GGTA1: variants seen among roughly 807,000 people sequenced by gnomAD.
GGTA1 encodes the protein glycoprotein alpha-galactosyltransferase 1 (inactive).
A neutral mutation model predicts 2.6 loss-of-function variants in GGTA1; 5 were observed. The observed-to-expected ratio is 1.92, with a 90% CI of 1.00 to 4.04. GGTA1 has a LOEUF of 4.04. GGTA1 is among the 30% of genes most tolerant of loss of function. The probability of loss-of-function intolerance (pLI) is 0.00; values close to 1 mark genes in which losing one functional copy is unlikely to be tolerated. For missense variants in GGTA1, 50 were observed against 16.7 expected (o/e 2.99, Z -3.47); for synonymous variants, 17 against 5.0 (o/e 3.38, Z -3.19).
chr9:121,488,210 C>T (rs1282781428), intron 1 of GGTA1, among the ~76,000 whole-genome samples: 1 of 152,094 alleles, frequency 6.6e-6, no homozygotes, highest in East Asian at 1.9e-4. Flanking sequence ...GCTATTCAGA[C>T]ATGATCATAG....
chr9:121,470,902 A>G (rs1828374171), intron 1 of GGTA1, among the ~76,000 whole-genome samples: 1 of 152,260 alleles, frequency 6.6e-6, no homozygotes, highest in African/African-American at 2.4e-5. Flanking sequence ...AGTCTCCCGC[A>G]TAGCGGGCTC....
downstream of GGTA1, among the ~76,000 whole-genome samples, chr9:121,454,155 C>T (rs1312388682): frequency 6.6e-6 from 1 of 152,210 alleles, no homozygotes; most frequent in Non-Finnish European, 1.5e-5. Flanking sequence ...TAAGACTTAG[C>T]TCTGCCCTCA....
intron 1 of GGTA1, among the ~76,000 whole-genome samples, chr9:121,471,795 G>C (rs1477605111): frequency 6.6e-6 from 1 of 152,200 alleles, no homozygotes; most frequent in Non-Finnish European, 1.5e-5. Context: ...AGTCAGAAAA[G>C]GCAGATGGCT....
At position 121,455,719 on chromosome 9, in the gene GGTA1, G is replaced by T. The variant is rs1300266976; in HGVS notation, c.*118C>A. The T allele has an allele frequency of 2.7e-6, 1 of 367,154 alleles. No individual in the cohort carries two copies. The highest frequency in any genetic ancestry group is 3.2e-5 in the Admixed American group (1 of 31,558). 22.7% of individuals were successfully genotyped at this position (367,154 alleles called of 1,614,324 possible). On this transcript the variant is annotated 3_prime_UTR_variant, in exon 6 of 6. Coordinates refer to ENST00000481799, the MANE Select transcript of GGTA1 (RefSeq NM_001382585.1). ...CCCAGTCCTTCCCCTTGAGAATCTC[G>T]CAGTCCCAACAGGTGGTCCGCCTGT...
intron 1 of GGTA1, among the ~76,000 whole-genome samples, chr9:121,484,050 G>C (rs117181431): frequency 2.6e-5 from 4 of 152,262 alleles, no homozygotes; most frequent in Non-Finnish European, 5.9e-5. Flanking sequence ...GCAGAACGTG[G>C]TGGTTATGAG....
chr9:121,454,337 A>G (rs1211025371), downstream of GGTA1, among the ~76,000 whole-genome samples: 1 of 152,210 alleles, frequency 6.6e-6, no homozygotes, highest in Non-Finnish European at 1.5e-5. Flanking sequence ...GGTCCAGGTA[A>G]GAAAACCAAG....
At chr9:121,480,278 G>A (rs1368217240) in intron 1 of GGTA1, among the ~76,000 whole-genome samples, 1 of 151,934 alleles carries the variant, frequency 6.6e-6, no homozygotes, top group Non-Finnish European at 1.5e-5. Context: ...GGATGGTCTC[G>A]ATCTCTTGAC....
At chr9:121,464,338 T>TTTC (rs1470046982) in intron 2 of GGTA1, among the ~76,000 whole-genome samples, 1 of 149,042 alleles carries the variant, frequency 6.7e-6, no homozygotes, top group East Asian at 2.0e-4. Flanking sequence ...TTTTTTTTTT[T>TTTC]TTTTTTGAGA....
intron 4 of GGTA1, among the ~76,000 whole-genome samples, chr9:121,460,823 CAATA>C (rs2064954705): frequency 6.6e-6 from 1 of 151,462 alleles, no homozygotes; most frequent in African/African-American, 2.4e-5. Flanking sequence ...CCAGCCTGGG[CAATA>C]AGAGCAAAAC....
At chr9:121,485,499 G>A (rs1306360363) in intron 1 of GGTA1, among the ~76,000 whole-genome samples, 1 of 152,198 alleles carries the variant, frequency 6.6e-6, no homozygotes, top group Admixed American at 6.5e-5. Context: ...TTTGAAATAC[G>A]TGTCTTCCTG....
chr9:121,448,848 A>G (rs1241244285), intron 7 of GGTA1, among the ~76,000 whole-genome samples: 1 of 152,210 alleles, frequency 6.6e-6, no homozygotes, highest in African/African-American at 2.4e-5. Flanking sequence ...AGTTTACATT[A>G]GGGTTCACTC....
In GGTA1 at chr9:121,449,868, A is replaced by C. The variant is rs139901567; in HGVS notation, c.*119-2271T>G. Among the ~76,000 whole-genome samples, 923 of 151,682 alleles carry C rather than the reference A, an allele frequency of 6.1e-3. 15 individuals carry two copies. The highest frequency in any genetic ancestry group is 0.021 in the African/African-American group (889 of 41,372). ...AAAAAAAAAAAAAAAAAGAAGAAGA[A>C]GAAGAAAAGAAAAACATTTTATTGG... On this transcript the variant is annotated intron_variant and NMD_transcript_variant, in intron 7 of 7. Coordinates refer to the GGTA1 transcript ENST00000481534.
chr9:121,462,048 G>T (rs1441895808), intron 3 of GGTA1, among the ~76,000 whole-genome samples: 1 of 152,184 alleles, frequency 6.6e-6, no homozygotes, highest in Non-Finnish European at 1.5e-5. Flanking sequence ...GGGGGGTCGG[G>T]CACGGTGGCT....
At chr9:121,461,170 A>G (rs753109465) in intron 4 of GGTA1, 82 bp downstream of exon 4, 2 of 409,848 alleles carry the variant, frequency 4.9e-6, no homozygotes, top group Non-Finnish European at 9.7e-6. Flanking sequence ...TGAGAAGGTC[A>G]TGAACATGAA....
chr9:121,463,389 T>A, intron 2 of GGTA1, 61 bp from the exon 3 acceptor site: 4 of 444,976 alleles, frequency 9.0e-6, no homozygotes, highest in South Asian at 6.4e-5. Context: ...AAAGGCGATT[T>A]TGTAACCATT....
rs1828511792 is a variant in GGTA1 at position 121,476,417 on chromosome 9, T to C, written c.-9-8486A>G. Among the ~76,000 whole-genome samples the C allele has an allele frequency of 6.6e-6, 1 of 151,430 alleles. No individual in the cohort carries two copies. The highest frequency in any genetic ancestry group is 6.6e-5 in the Admixed American group (1 of 15,166). On this transcript the variant is annotated intron_variant, in intron 1 of 5. Transcript: ENST00000481799. This position sits in a 1 kb window ranked among gnomAD's most constrained non-coding sequence, Gnocchi z 4.6. The stretch of plus-strand genomic sequence containing the variant: ...CAGCTTTCTAAACTGGCGTCACGAG[T>C]TTCTCTGGCCTCAGACTCCTTGGCC...
At chr9:121,469,804 C>T (rs554211096) in intron 1 of GGTA1, among the ~76,000 whole-genome samples, 1 of 152,274 alleles carries the variant, frequency 6.6e-6, no homozygotes, top group Admixed American at 6.5e-5. Flanking sequence ...CTTCACCTGC[C>T]CTGCACACCC....
exon 8 of GGTA1, chr9:121,446,985 A>G (rs1589324147): frequency 6.6e-6 from 1 of 152,300 alleles, no homozygotes. Context: ...AGGCAGGCCT[A>G]TATGATAATC....
chr9:121,492,845 T>C (rs2118772166), intron 1 of GGTA1, among the ~76,000 whole-genome samples: 1 of 152,136 alleles, frequency 6.6e-6, no homozygotes, highest in South Asian at 2.1e-4. Flanking sequence ...GAAAAATTCT[T>C]ATTAAGAACT....
Sources: allele counts gnomAD v4.1 joint callset (sites outside exome capture counted in the v4.1 genomes callset), GRCh38; gene constraint gnomAD v4.1.1; non-coding constraint Gnocchi (gnomAD v3.1); transcripts MANE v1.5; gene names NCBI Gene and HGNC (gene_info 2026-07-23, HGNC 2026-07-21).